ARID1B: variants seen among roughly 807,000 people sequenced by gnomAD.
ARID1B encodes AT-rich interaction domain 1B.
ARID1B carries 30 observed loss-of-function variants against 212.3 expected under a neutral mutation model. The observed-to-expected ratio is 0.14, with a 90% CI of 0.11 to 0.19. The LOEUF (loss-of-function observed/expected upper bound fraction) is 0.19, where lower values mean the gene tolerates loss of function less well. Ranked by LOEUF, ARID1B falls within the 10% of genes least tolerant of loss-of-function variation. ARID1B has a pLI of 1.00. For synonymous variants in ARID1B, 1,402 were observed against 1,301.7 expected (o/e 1.08, Z -1.66); for missense variants, 2,891 against 3,204.0 (o/e 0.90, Z 2.36).
intron 3 of ARID1B, among the ~76,000 whole-genome samples, chr6:156,913,697 G>A (rs1354773048): frequency 6.0e-4 from 48 of 80,196 alleles, no homozygotes; most frequent in African/African-American, 2.3e-3. Flanking sequence ...CAACCAGCCC[G>A]CCCCAGCCCG....
intron 1 of ARID1B, among the ~76,000 whole-genome samples, chr6:156,817,399 G>A (rs572004143): frequency 6.6e-6 from 1 of 152,154 alleles, no homozygotes; most frequent in Admixed American, 6.5e-5. Flanking sequence ...ACTTTGGGAG[G>A]CTGAGGCAGG....
intron 2 of ARID1B, among the ~76,000 whole-genome samples, chr6:156,867,765 C>A (rs1727664112): frequency 6.6e-6 from 1 of 152,198 alleles, no homozygotes; most frequent in Admixed American, 6.5e-5. Flanking sequence ...TCCGACAGAT[C>A]TCAAGCTGCT....
At chr6:157,192,614 G>T (rs1793461113) in intron 15 of ARID1B, among the ~76,000 whole-genome samples, 1 of 152,196 alleles carries the variant, frequency 6.6e-6, no homozygotes, top group African/African-American at 2.4e-5. Context: ...CTGAATGCCT[G>T]TCGCTTTCAC....
chr6:157,018,984 T>C (rs1438192651), intron 4 of ARID1B, among the ~76,000 whole-genome samples: 2 of 151,854 alleles, frequency 1.3e-5, no homozygotes, highest in Admixed American at 6.6e-5. Flanking sequence ...TGAAAAAAAA[T>C]ACGGTAGGCT....
chr6:156,950,467 G>A (rs1302988467), intron 4 of ARID1B, among the ~76,000 whole-genome samples: 2 of 152,148 alleles, frequency 1.3e-5, no homozygotes, highest in Non-Finnish European at 2.9e-5. Context: ...GTATATATAT[G>A]GGGATGTAAG....
intron 4 of ARID1B, among the ~76,000 whole-genome samples, chr6:157,063,516 T>G (rs1783484932): frequency 6.6e-6 from 1 of 152,214 alleles, no homozygotes; most frequent in African/African-American, 2.4e-5. Flanking sequence ...GTTGTGCTAT[T>G]ACTTGACTTG....
In ARID1B at chr6:157,148,944, C is replaced by A; in HGVS notation, c.3082C>A (p.Gln1028Lys). 1 of 1,610,292 alleles carries A rather than the reference C, an allele frequency of 6.2e-7. No homozygotes were observed. Among genetic ancestry groups the A allele is most frequent in the Non-Finnish European group, 8.5e-7 (1 of 1,177,992 alleles). Reference sequence around the variant, plus strand: ...GATGCAGGCTGCTGCGAACTCAGCACAAAGCAGGTACGCCACCCAGGAGCA... The same window carrying A: ...GATGCAGGCTGCTGCGAACTCAGCAAAAAGCAGGTACGCCACCCAGGAGCA... ...AVMQAAANSA[Q>K]SRQGSFPGMN... Residue 1028 changes from glutamine to lysine, a missense_variant, in exon 8 of 20, where the codon CAA (glutamine) becomes AAA (lysine). Transcript: ENST00000636930. This position sits in a 1 kb window ranked among gnomAD's most constrained non-coding sequence, Gnocchi z 5.6.
intron 8 of ARID1B, among the ~76,000 whole-genome samples, chr6:157,158,611 G>A (rs898314079): frequency 4.6e-5 from 7 of 152,262 alleles, no homozygotes; most frequent in Admixed American, 4.6e-4. Context: ...AGCTCTCTGT[G>A]TCTGAGGCTG....
At chr6:156,853,513 C>T (rs1784715482) in intron 2 of ARID1B, among the ~76,000 whole-genome samples, 1 of 151,976 alleles carries the variant, frequency 6.6e-6, no homozygotes, top group Admixed American at 6.6e-5. Flanking sequence ...TTTTCTCCTC[C>T]CACGTGTGCT....
rs1778884464 is a variant in ARID1B, at chr6:156,778,697, C to T, written c.1017C>T (p.Gly339=). 2.6e-6 allele frequency: 4 copies of T among 1,518,616 alleles called. No homozygotes were observed. The highest frequency in any genetic ancestry group is 1.8e-6 in the Non-Finnish European group (2 of 1,132,148). 94.1% of individuals were successfully genotyped at this position (1,518,616 alleles called of 1,614,324 possible). ...CTGGGCCTTGCTTTGATCAACATGG[C>T]GGACAACAAAGCCCCGGGATGGGGA... ...GRAGPCFDQH[G]GQQSPGMGMM... is the part of the protein sequence containing the mutation. Residue 339 remains glycine (G), a synonymous_variant, in exon 1 of 20, where the codon GGC becomes GGT. Coordinates refer to ENST00000636930, the MANE Select transcript of ARID1B (RefSeq NM_001374828.1).
chr6:157,135,898 C>G (rs547545144), intron 7 of ARID1B, among the ~76,000 whole-genome samples: 27 of 152,302 alleles, frequency 1.8e-4, no homozygotes, highest in African/African-American at 6.5e-4. Context: ...TGCAGCCACC[C>G]AAGATGTCAT....
chr6:157,106,972 G>A (rs2128508334), intron 5 of ARID1B, among the ~76,000 whole-genome samples: 1 of 152,296 alleles, frequency 6.6e-6, no homozygotes, highest in East Asian at 1.9e-4. Flanking sequence ...CGTGAGTGCA[G>A]GTTTGAGGAG....
chr6:157,080,907 A>G (rs6912493), intron 4 of ARID1B, among the ~76,000 whole-genome samples: 20,400 of 152,230 alleles, frequency 0.13, 1,627 homozygotes, highest in Non-Finnish European at 0.18. Flanking sequence ...CGATAGTAGA[A>G]GTTAAGTTAT....
At chr6:157,095,974 T>G (rs1785593660) in intron 5 of ARID1B, among the ~76,000 whole-genome samples, 1 of 152,224 alleles carries the variant, frequency 6.6e-6, no homozygotes, top group Non-Finnish European at 1.5e-5. Flanking sequence ...AGTTGAGAAT[T>G]CCCTGTCTCT....
chr6:156,822,808 G>C (rs1431186759), intron 1 of ARID1B, among the ~76,000 whole-genome samples: 1 of 152,138 alleles, frequency 6.6e-6, no homozygotes, highest in African/African-American at 2.4e-5. Flanking sequence ...TGGAGTGGGC[G>C]CCCACTGCCC....
At chr6:157,017,963 C>CAAAAAAA (rs112983063) in intron 4 of ARID1B, among the ~76,000 whole-genome samples, 1 of 97,310 alleles carries the variant, frequency 1.0e-5, no homozygotes, top group African/African-American at 3.8e-5. Flanking sequence ...ACCATCTCTA[C>CAAAAAAA]AAAAAAAAAA....
chr6:157,204,429 A>G (rs1448612062), intron 19 of ARID1B: 2 of 156,474 alleles, frequency 1.3e-5, no homozygotes, highest in South Asian at 2.0e-4. Flanking sequence ...TTAAAAAGAT[A>G]TTCAAGATTT....
At chr6:157,036,562 A>G in intron 4 of ARID1B, 1 of 293,100 alleles carries the variant, frequency 3.4e-6, no homozygotes, top group Non-Finnish European at 6.8e-6. Context: ...ATTGTTTTTG[A>G]GGAACTTCAA....
At chr6:157,175,962 C>T (rs1438374470) in intron 11 of ARID1B, 1 of 152,072 alleles carries the variant, frequency 6.6e-6, no homozygotes, top group African/African-American at 2.4e-5. Flanking sequence ...CTCAGGAAGG[C>T]AAGTTGGAGG....
Sources: gnomAD v4.1 joint callset for allele counts (sites outside exome capture counted in the v4.1 genomes callset) on GRCh38, gnomAD v4.1.1 for gene constraint, Gnocchi (gnomAD v3.1) non-coding constraint, MANE v1.5 for transcripts, NCBI Gene and HGNC (gene_info 2026-07-23, HGNC 2026-07-21) for gene names.